ITPKB: variants seen among roughly 807,000 people sequenced by gnomAD.
ITPKB encodes IP3 3-kinase B.
A neutral mutation model predicts 69.4 loss-of-function variants in ITPKB; 13 were observed. That is an observed-to-expected ratio of 0.19 (90% CI 0.12 to 0.30). The LOEUF is 0.30. Among genes scored for constraint, ITPKB ranks in the 10% least tolerant of loss-of-function variants. The pLI is 1.00. For synonymous variants in ITPKB, 584 were observed against 513.7 expected (o/e 1.14, Z -1.85); for missense variants, 1,240 against 1,250.5 (o/e 0.99, Z 0.13).
rs774459314 is a variant in ITPKB, at chr1:226,736,055, C to G, written c.1404G>C (p.Ala468=). The G allele has an allele frequency of 1.2e-6, 2 of 1,613,382 alleles. No individual in the cohort carries two copies. Among genetic ancestry groups the G allele is most frequent in the Admixed American group, 3.3e-5 (2 of 60,018 alleles). Residue 468 remains alanine, a synonymous_variant, in exon 2 of 8, where the codon GCG becomes GCC. Transcript: ENST00000429204. ...SAQPGTGNVE[A]GIPSGRMLEP... ...CCAGCATTCTGCCAGAAGGAATTCC[C>G]GCCTCCACATTCCCGGTCCCCGGCT...
chr1:226,648,134 T>C (rs1183161354), intron 3 of ITPKB, among the ~76,000 whole-genome samples: 1 of 152,188 alleles, frequency 6.6e-6, no homozygotes, highest in East Asian at 1.9e-4. Context: ...CCTAGCCACC[T>C]TCCTCCCAAC....
chr1:226,654,974 AGAG>A (rs977030110), intron 2 of ITPKB, among the ~76,000 whole-genome samples: 7 of 148,992 alleles, frequency 4.7e-5, no homozygotes, highest in South Asian at 2.2e-4. Flanking sequence ...GGGAGGAAGA[AGAG>A]GAGAGAGAAG....
intron 2 of ITPKB, among the ~76,000 whole-genome samples, chr1:226,721,348 CAAAAAAAAAA>C (rs11353595): frequency 2.3e-4 from 15 of 64,662 alleles, no homozygotes; most frequent in Non-Finnish European, 4.3e-4. Flanking sequence ...AACTCTGTCT[CAAAAAAAAAA>C]AAAAAAAAAA....
At chr1:226,705,248 G>A (rs538158445) in intron 2 of ITPKB, among the ~76,000 whole-genome samples, 3 of 152,252 alleles carry the variant, frequency 2.0e-5, no homozygotes, top group East Asian at 3.9e-4. Flanking sequence ...ACTTGATGTC[G>A]GTCAGGCACA....
At chr1:226,676,798 C>T (rs1246859169) in intron 2 of ITPKB, among the ~76,000 whole-genome samples, 1 of 152,204 alleles carries the variant, frequency 6.6e-6, no homozygotes, top group Non-Finnish European at 1.5e-5. Flanking sequence ...ATAAGTTTAT[C>T]CAAGCAAGTT....
At chr1:226,643,996 G>A (rs1287311838) in intron 4 of ITPKB, among the ~76,000 whole-genome samples, 9 of 152,250 alleles carry the variant, frequency 5.9e-5, no homozygotes, top group Admixed American at 5.9e-4. Flanking sequence ...GTGTAGAAAA[G>A]GGGCAGCCAG....
chr1:226,634,970 G>C lies in ITPKB; in HGVS notation c.2626-84C>G, dbSNP rs1386801531. ...CGGCCCGGGGCCTGGGTGACCAGGTGGGGAGGCTCGCTCAGGCCGGACAGT... is the reference window on the plus strand; with the variant it reads ...CGGCCCGGGGCCTGGGTGACCAGGTCGGGAGGCTCGCTCAGGCCGGACAGT... On this transcript the variant is annotated intron_variant, in intron 7 of 7. Coordinates refer to ENST00000429204, the MANE Select transcript of ITPKB (RefSeq NM_002221.4). This position sits in a 1 kb window ranked among gnomAD's most constrained non-coding sequence, Gnocchi z 6.3. 9.5e-7 allele frequency: 1 copy of C among 1,048,740 alleles called. No homozygotes were observed. The highest frequency in any genetic ancestry group is 2.3e-5 in the Admixed American group (1 of 43,366). 65.0% of individuals were successfully genotyped at this position (1,048,740 alleles called of 1,614,324 possible). A position where few individuals can be genotyped will look rare whatever the true frequency, so the allele number is the denominator to read the frequency against.
intron 2 of ITPKB, among the ~76,000 whole-genome samples, chr1:226,706,257 A>G (rs1343323177): frequency 6.6e-6 from 1 of 152,250 alleles, no homozygotes; most frequent in African/African-American, 2.4e-5. Context: ...AAAATAATAA[A>G]TGATAAAACA....
intron 2 of ITPKB, among the ~76,000 whole-genome samples, chr1:226,724,332 C>A (rs1657341570): frequency 6.6e-6 from 1 of 152,074 alleles, no homozygotes; most frequent in Non-Finnish European, 1.5e-5. Context: ...GCTCCCAGAC[C>A]CCATGACTTC....
chr1:226,736,735 C>G lies in ITPKB; in HGVS notation c.724G>C (p.Ala242Pro). Residue 242 changes from alanine (A) to proline (P), a missense_variant, in exon 2 of 8, where the codon GCC becomes CCC. Around this residue, in one of 2 missense-constraint regions of ITPKB, gnomAD observed 992 missense variants for 853.8 expected, o/e 1.16. Transcript: ENST00000429204. ...CCCTGAGCCTCTGATCCTGTAGGGG[C>G]AGCCCGGCCGGGAAGAGGTGGCATT... ...KGMPPLPGRA[A>P]PTGSEAQGPS... 1 of 1,612,792 alleles carries G rather than the reference C, an allele frequency of 6.2e-7. No individual in the cohort carries two copies. The highest frequency in any genetic ancestry group is 8.5e-7 in the Non-Finnish European group (1 of 1,179,762).
At chr1:226,692,147 G>A (rs145201250) in intron 2 of ITPKB, among the ~76,000 whole-genome samples, 1 of 152,304 alleles carries the variant, frequency 6.6e-6, no homozygotes, top group East Asian at 1.9e-4. Flanking sequence ...AAGAAATTCA[G>A]CAATATGTCC....
intron 2 of ITPKB, among the ~76,000 whole-genome samples, chr1:226,689,607 GTGTGTGCA>G (rs1441893921): frequency 2.6e-5 from 4 of 151,036 alleles, no homozygotes; most frequent in African/African-American, 7.3e-5. Context: ...GTGTGTGTGT[GTGTGTGCA>G]TGCATATGTG....
chr1:226,635,996 T>G (rs1309594866), intron 7 of ITPKB, among the ~76,000 whole-genome samples: 1 of 152,222 alleles, frequency 6.6e-6, no homozygotes, highest in African/African-American at 2.4e-5. Flanking sequence ...AAAAGGGGCT[T>G]CCTCTTCGCA....
At chr1:226,697,245 A>C (rs979975203) in intron 2 of ITPKB, among the ~76,000 whole-genome samples, 10 of 152,234 alleles carry the variant, frequency 6.6e-5, no homozygotes, top group African/African-American at 2.4e-4. Context: ...TGAAAGTAGC[A>C]ATAGTTGCTG....
At chr1:226,694,282 T>G (rs570871071) in intron 2 of ITPKB, among the ~76,000 whole-genome samples, 2 of 152,324 alleles carry the variant, frequency 1.3e-5, no homozygotes, top group African/African-American at 4.8e-5. Flanking sequence ...CAAAGTATGG[T>G]TGAACAGTTT....
In ITPKB at chr1:226,736,614, G is replaced by A. The variant is rs781083720; in HGVS notation, c.845C>T (p.Thr282Ile). The change falls in exon 2 of 8, where the codon ACC becomes ATC. Residue 282 changes from threonine (T) to isoleucine (I), a missense_variant. Coordinates refer to ENST00000429204, the MANE Select transcript of ITPKB (RefSeq NM_002221.4). ...AMEIDKRGSP[T>I]PGTRSCLAPS... The stretch of plus-strand genomic sequence containing the variant: ...AGCTAGGCAGCTCCGAGTTCCCGGG[G>A]TAGGAGAGCCCCTTTTGTCAATTTC... 9 of 1,613,628 alleles carry A rather than the reference G, an allele frequency of 5.6e-6. No homozygotes were observed. The highest frequency in any genetic ancestry group is 7.6e-6 in the Non-Finnish European group (9 of 1,180,026).
At chr1:226,645,236 G>A (rs1367618359) in intron 4 of ITPKB, among the ~76,000 whole-genome samples, 1 of 152,194 alleles carries the variant, frequency 6.6e-6, no homozygotes, top group African/African-American at 2.4e-5. Flanking sequence ...CGGGCTGGGT[G>A]CACCCTGCTT....
intron 2 of ITPKB, among the ~76,000 whole-genome samples, chr1:226,669,612 C>T (rs1669572454): frequency 6.6e-6 from 1 of 152,074 alleles, no homozygotes; most frequent in South Asian, 2.1e-4. Flanking sequence ...CTATCCAAAA[C>T]GTGAAAACTC....
intron 4 of ITPKB, among the ~76,000 whole-genome samples, chr1:226,644,462 C>G (rs1669025550): frequency 6.6e-6 from 1 of 152,232 alleles, no homozygotes; most frequent in Non-Finnish European, 1.5e-5. Flanking sequence ...CCACCCAGAG[C>G]TCCTAGGTGC....
Sources: gnomAD v4.1 joint callset for allele counts (sites outside exome capture counted in the v4.1 genomes callset) on GRCh38, gnomAD v4.1.1 for gene constraint, gnomAD v4.1.1 regional missense constraint, Gnocchi (gnomAD v3.1) non-coding constraint, MANE v1.5 for transcripts, NCBI Gene and HGNC (gene_info 2026-07-23, HGNC 2026-07-21) for gene names.